MS4A5: variants seen among roughly 807,000 people sequenced by gnomAD.
MS4A5 encodes the protein membrane-spanning 4-domains subfamily A member 5.
Under a neutral mutation model 18.2 loss-of-function variants are expected in MS4A5, and 15 were observed. The ratio of observed to expected loss-of-function variants is 0.83; its 90% CI spans 0.55 to 1.27. The LOEUF is 1.27. Ranked by LOEUF, MS4A5 falls within the 50% of genes most tolerant of loss-of-function variation. The pLI, the probability that MS4A5 is intolerant of heterozygous loss-of-function variation, is 0.00. For synonymous variants in MS4A5, 89 were observed against 78.7 expected (o/e 1.13, Z -0.69); for missense variants, 232 against 225.7 (o/e 1.03, Z -0.18).
chr11:60,446,952 T>C (rs933091541), intron 4 of MS4A5, among the ~76,000 whole-genome samples: 7 of 152,212 alleles, frequency 4.6e-5, no homozygotes, highest in Admixed American at 2.0e-4. Context: ...TTTATGCATT[T>C]ATAAAATGGA....
At chr11:60,436,605 T>C (rs1241679888) in intron 4 of MS4A5, among the ~76,000 whole-genome samples, 1 of 133,032 alleles carries the variant, frequency 7.5e-6, no homozygotes, top group African/African-American at 2.6e-5. Context: ...AAACCAAGGC[T>C]CGAGAACTAC....
chr11:60,433,935 A>G lies in MS4A5; in HGVS notation c.492+18A>G, dbSNP rs776616965. 1 of 1,611,008 alleles carries G rather than the reference A, an allele frequency of 6.2e-7. No individual in the cohort carries two copies. The highest frequency in any genetic ancestry group is 8.5e-7 in the Non-Finnish European group (1 of 1,177,472). On this transcript the variant is annotated intron_variant, in intron 4 of 4. Coordinates refer to ENST00000300190, the MANE Select transcript of MS4A5 (RefSeq NM_023945.3). Reference sequence around the variant, plus strand: ...TGTTCTTGGTAAGTATGTTGCATTTATAGAGTGATGAGTAAAGGGCTTAAT... The same window carrying G: ...TGTTCTTGGTAAGTATGTTGCATTTGTAGAGTGATGAGTAAAGGGCTTAAT...
intron 4 of MS4A5, among the ~76,000 whole-genome samples, chr11:60,446,834 T>C (rs2086140946): frequency 6.6e-6 from 1 of 152,020 alleles, no homozygotes; most frequent in Non-Finnish European, 1.5e-5. Flanking sequence ...GCCAATAGTT[T>C]TCTTTTTTCC....
In MS4A5 at chr11:60,440,053, G is replaced by A. The variant is rs1385120982; in HGVS notation, c.492+6136G>A. Among the ~76,000 whole-genome samples the A allele has an allele frequency of 2.8e-5, 4 of 143,236 alleles. No individual in the cohort carries two copies. The South Asian group carries it at 9.3e-4, about 33-fold the overall frequency. The allele number at this position is 143,236 out of a possible 152,430, so 94.0% of individuals were successfully genotyped here. On this transcript the variant is annotated intron_variant, in intron 4 of 4. Coordinates refer to ENST00000300190, the MANE Select transcript of MS4A5 (RefSeq NM_023945.3). ...CTACAAGGCTACAGTCACCAAAACA[G>A]CATGGTACTGGTACCAAAACAGAGA...
At chr11:60,446,836 C>T (rs1453536576) in intron 4 of MS4A5, among the ~76,000 whole-genome samples, 1 of 150,712 alleles carries the variant, frequency 6.6e-6, no homozygotes, top group Non-Finnish European at 1.5e-5. Context: ...CAATAGTTTT[C>T]TTTTTTCCCT....
At chr11:60,437,529 T>G (rs1051426694) in intron 4 of MS4A5, among the ~76,000 whole-genome samples, 4 of 152,154 alleles carry the variant, frequency 2.6e-5, no homozygotes, top group African/African-American at 9.7e-5. Flanking sequence ...AGGAAATGCA[T>G]CTCATGTGCA....
intron 4 of MS4A5, among the ~76,000 whole-genome samples, chr11:60,434,278 T>C (rs1403371513): frequency 6.6e-6 from 1 of 152,210 alleles, no homozygotes; most frequent in African/African-American, 2.4e-5. Flanking sequence ...GATTTGGTTT[T>C]AACAGGCTGA....
At chr11:60,447,326 TATGC>T (rs1565190001) in intron 4 of MS4A5, among the ~76,000 whole-genome samples, 5 of 147,384 alleles carry the variant, frequency 3.4e-5, no homozygotes, top group African/African-American at 1.2e-4. Context: ...TATGCTATGC[TATGC>T]TATGCTATGC....
chr11:60,435,946 T>C (rs2086077832), intron 4 of MS4A5, among the ~76,000 whole-genome samples: 2 of 152,250 alleles, frequency 1.3e-5, no homozygotes, highest in African/African-American at 4.8e-5. Context: ...CAAGGAGGCC[T>C]GCCTGCCTCT....
chr11:60,435,971 TG>T (rs2086078018), intron 4 of MS4A5, among the ~76,000 whole-genome samples: 1 of 152,196 alleles, frequency 6.6e-6, no homozygotes. Flanking sequence ...GCTCCACCTC[TG>T]GGGGCAGGGC....
intron 2 of MS4A5, 124 bp from the exon 3 acceptor site, chr11:60,432,287 C>A: frequency 2.0e-6 from 1 of 507,488 alleles, no homozygotes. Context: ...ACCCTTCTCA[C>A]TGCCCTGAGG....
intron 4 of MS4A5, among the ~76,000 whole-genome samples, chr11:60,438,160 C>T (rs1282596657): frequency 6.6e-6 from 1 of 152,038 alleles, no homozygotes; most frequent in African/African-American, 2.4e-5. Flanking sequence ...GAACAACCTG[C>T]TCCTGAATGA....
intron 4 of MS4A5, among the ~76,000 whole-genome samples, chr11:60,444,862 G>T (rs2120183): frequency 0.049 from 7,482 of 152,188 alleles, 366 homozygotes; most frequent in African/African-American, 0.13. Context: ...CTATTGGGTG[G>T]TTTTTTAAAA....
chr11:60,444,825 G>A (rs752294150), intron 4 of MS4A5, among the ~76,000 whole-genome samples: 1 of 152,114 alleles, frequency 6.6e-6, no homozygotes, highest in Admixed American at 6.5e-5. Flanking sequence ...AATGGGAAAC[G>A]GAAAATGGTT....
At chr11:60,437,725 A>C (rs922192095) in intron 4 of MS4A5, among the ~76,000 whole-genome samples, 2 of 151,784 alleles carry the variant, frequency 1.3e-5, no homozygotes, top group African/African-American at 4.8e-5. Context: ...AGAGCTAACT[A>C]TCCTGAATAT....
chr11:60,441,316 A>G (rs1472232591), intron 4 of MS4A5, among the ~76,000 whole-genome samples: 2 of 85,252 alleles, frequency 2.3e-5, no homozygotes, highest in Non-Finnish European at 5.5e-5. Flanking sequence ...ATCGGGAGAT[A>G]TACCTAATGC....
At position 60,430,924 on chromosome 11, in the gene MS4A5, G is replaced by C. The variant is rs1297269405; in HGVS notation, c.282G>C (p.Leu94Phe). The C allele has an allele frequency of 5.0e-6, 8 of 1,610,114 alleles. No homozygotes were observed. Among genetic ancestry groups the C allele is most frequent in the Non-Finnish European group, 6.8e-6 (8 of 1,179,320 alleles). The change falls in exon 2 of 5, where the codon TTG becomes TTC. Residue 94 changes from leucine to phenylalanine, a missense_variant and splice_region_variant. By Grantham distance (22) the Leu-to-Phe change is conservative. Transcript: ENST00000300190. ...GATATCCATTCTGGGGCTCTGTTTT[G>C]GTGAGTATAGTCAATCAAGTTCAAT... Reference protein sequence around the residue: ...LSGYPFWGSVLFINSGAFLIA... With the variant: ...LSGYPFWGSVFFINSGAFLIA...
intron 4 of MS4A5, among the ~76,000 whole-genome samples, chr11:60,441,878 A>G (rs1281199546): frequency 2.0e-5 from 3 of 152,228 alleles, no homozygotes. Context: ...AGCATTGCTA[A>G]ACGTATAATA....
At chr11:60,447,530 C>T in intron 4 of MS4A5, 119 bp from the exon 5 acceptor site, 1 of 612,968 alleles carries the variant, frequency 1.6e-6, no homozygotes, top group Non-Finnish European at 2.8e-6. Flanking sequence ...ATCAGATACA[C>T]TTGAGATATT....
Sources: allele counts gnomAD v4.1 joint callset (sites outside exome capture counted in the v4.1 genomes callset), GRCh38; gene constraint gnomAD v4.1.1; transcripts MANE v1.5; gene names NCBI Gene and HGNC (gene_info 2026-07-23, HGNC 2026-07-21).